Variants in LAMA1 observed in about 807,000 individuals in gnomAD.
The protein encoded by LAMA1 is laminin subunit alpha 1.
LAMA1 carries 219 observed loss-of-function variants against 348.7 expected under a neutral mutation model. That is an observed-to-expected ratio of 0.63 (90% CI 0.56 to 0.70). The LOEUF (loss-of-function observed/expected upper bound fraction) is 0.70. Ranked by LOEUF, LAMA1 falls within the 30% of genes least tolerant of loss-of-function variation. The pLI, the probability that LAMA1 is intolerant of heterozygous loss-of-function variation, is 0.00. For missense variants in LAMA1, 3,744 were observed against 3,888.0 expected, an observed-to-expected ratio of 0.96 and a Z score of 0.99; for synonymous variants, 1,487 against 1,491.0, an observed-to-expected ratio of 1.00 and a Z score of 0.06.
intron 10 of LAMA1, among the ~76,000 whole-genome samples, 157 bp downstream of exon 10, chr18:7,039,916 ATAC>A (rs1462545262): frequency 0.024 from 3,588 of 152,332 alleles, 152 homozygotes; most frequent in African/African-American, 0.083. Flanking sequence ...AGCATATATA[ATAC>A]AGCCAACTCG....
At chr18:7,016,159 A>G (rs1410749025) in intron 21 of LAMA1, among the ~76,000 whole-genome samples, 1 of 152,172 alleles carries the variant, frequency 6.6e-6, no homozygotes, top group African/African-American at 2.4e-5. Flanking sequence ...TGCAGGCCCA[A>G]TGCCATGCTG....
In LAMA1 at chr18:7,077,200, T is replaced by C. The variant is rs537030192; in HGVS notation, c.345+2775A>G. 1.0e-4 allele frequency among the ~76,000 whole-genome samples: 5 copies of C among 47,756 alleles called. 1 individual carries two copies. In the South Asian group the frequency reaches 5.1e-3, roughly 49 times the overall value. The allele number at this position is 47,756 out of a possible 152,430, so 31.3% of individuals were successfully genotyped here. On this transcript the variant is annotated intron_variant, in intron 3 of 62. Coordinates refer to ENST00000389658, the MANE Select transcript of LAMA1 (RefSeq NM_005559.4). ...GTCTATGGTTTTTTCTGTTCTTTTC[T>C]TTTTTTTTTTTTTTTTTTTGAGACG...
chr18:7,042,481 C>A (rs1014478823), intron 8 of LAMA1: 1 of 483,822 alleles, frequency 2.1e-6, no homozygotes, highest in Non-Finnish European at 3.8e-6. Flanking sequence ...TCATCTTTTT[C>A]TATTATCCCT....
At chr18:6,972,785 G>A (rs2057663977) in intron 47 of LAMA1, among the ~76,000 whole-genome samples, 1 of 152,136 alleles carries the variant, frequency 6.6e-6, no homozygotes, top group African/African-American at 2.4e-5. Context: ...CACCTCCCAG[G>A]GTTCAAGTGA....
chr18:6,950,081 T>G (rs1005313053), intron 58 of LAMA1, among the ~76,000 whole-genome samples: 3 of 152,150 alleles, frequency 2.0e-5, no homozygotes, highest in African/African-American at 7.2e-5. Context: ...AGACTTTGCA[T>G]TCAGTATGAA....
In LAMA1 at chr18:7,015,796, G is replaced by T. The variant is rs750460729; in HGVS notation, c.3052C>A (p.Pro1018Thr). Residue 1018 changes from proline (P) to threonine (T), a missense_variant, in exon 22 of 63, where the codon CCT (proline) becomes ACT (threonine). This residue lies in a region of LAMA1 where 1,529 missense variants were observed against 1,689.4 expected (regional missense o/e 0.91). Coordinates refer to ENST00000389658, the MANE Select transcript of LAMA1 (RefSeq NM_005559.4). ...TCACACTTCACACCCTGTGTGTGAG[G>T]GGGGCAGACACACTCTCCAGTTTCT... ...DPETGECVCPPHTQGVKCEEC... is the reference protein window; with the variant it reads ...DPETGECVCPTHTQGVKCEEC... The T allele has an allele frequency of 1.2e-5, 20 of 1,614,100 alleles. No individual in the cohort carries two copies. The highest frequency in any genetic ancestry group is 1.1e-4 in the South Asian group (10 of 91,082).
At chr18:6,958,419 A>T (rs1275428622) in intron 55 of LAMA1, 58 bp downstream of exon 55, 2 of 1,548,640 alleles carry the variant, frequency 1.3e-6, no homozygotes, top group East Asian at 4.5e-5. Context: ...GATTAGTGTT[A>T]GCACTCACCA....
At chr18:7,074,113 A>G (rs1039066650) in intron 3 of LAMA1, among the ~76,000 whole-genome samples, 1 of 152,148 alleles carries the variant, frequency 6.6e-6, no homozygotes, top group Non-Finnish European at 1.5e-5. Flanking sequence ...GATTACAGAC[A>G]TGAGCCACCA....
chr18:7,041,876 T>C (rs567110905), intron 9 of LAMA1, among the ~76,000 whole-genome samples: 15 of 152,200 alleles, frequency 9.9e-5, no homozygotes, highest in Middle Eastern at 3.2e-3. Flanking sequence ...TTTATGTCCA[T>C]GACACTACCT....
chr18:7,043,909 A>G (rs1187071039), intron 7 of LAMA1, among the ~76,000 whole-genome samples: 8 of 152,214 alleles, frequency 5.3e-5, no homozygotes, highest in Non-Finnish European at 1.2e-4. Context: ...TAATCCCAGC[A>G]CTTTGGGAGG....
intron 32 of LAMA1, among the ~76,000 whole-genome samples, chr18:6,998,133 A>G (rs2057791294): frequency 6.6e-6 from 1 of 152,196 alleles, no homozygotes; most frequent in Non-Finnish European, 1.5e-5. Flanking sequence ...CCCAGAGGTC[A>G]CACAGAAAGA....
chr18:7,018,336 CAAAAAAAAAAAAA>C (rs764975447), intron 19 of LAMA1, among the ~76,000 whole-genome samples: 24 of 44,206 alleles, frequency 5.4e-4, no homozygotes, highest in African/African-American at 2.3e-3. Flanking sequence ...AACTCCATCT[CAAAAAAAAAAAAA>C]AAAAAAAAAG....
Position 7,017,342 on chromosome 18 carries a change from T to A in LAMA1, c.2744A>T (p.His915Leu). The change falls in exon 20 of 63, where the codon CAT becomes CTT. Residue 915 changes from histidine to leucine, a missense_variant. Physicochemically the swap from His to Leu is moderately conservative, Grantham distance 99 (BLOSUM62 -3). Coordinates refer to ENST00000389658, the MANE Select transcript of LAMA1 (RefSeq NM_005559.4). Reference protein sequence around the residue: ...HVKGSHSAVCHLETGLCDCKP... With the variant: ...HVKGSHSAVCLLETGLCDCKP... Reference sequence around the variant, plus strand: ...GCAGTCACAGAGCCCGGTCTCAAGATGGCACACGGCAGAATGGGAGCCTTT... The same window carrying A: ...GCAGTCACAGAGCCCGGTCTCAAGAAGGCACACGGCAGAATGGGAGCCTTT... 1 of 1,614,054 alleles carries A rather than the reference T, an allele frequency of 6.2e-7. No individual in the cohort carries two copies. The highest frequency in any genetic ancestry group is 8.5e-7 in the Non-Finnish European group (1 of 1,180,008).
chr18:6,947,360 C>A (rs2057526737), intron 60 of LAMA1, 64 bp from the exon 61 acceptor site: 1 of 1,607,862 alleles, frequency 6.2e-7, no homozygotes, highest in Non-Finnish European at 8.5e-7. Flanking sequence ...GAGCATTTGG[C>A]CTCCTGGCTA....
chr18:6,958,363 G>A lies in LAMA1; in HGVS notation c.7964+114C>T, dbSNP rs2057590150. The A allele has an allele frequency of 6.4e-6, 7 of 1,099,440 alleles. No homozygotes were observed. In the South Asian group the frequency reaches 7.7e-5, roughly 12 times the overall value. The allele number at this position is 1,099,440 out of a possible 1,614,324, so 68.1% of individuals were successfully genotyped here. ...GAACAATGGGGTTCACTCATTATTT[G>A]GGAATTTGCAAAGTTTTCAATCTCA... On this transcript the variant is annotated intron_variant, in intron 55 of 62. Transcript: ENST00000389658.
In LAMA1 at chr18:7,094,107, C is replaced by G. The variant is rs186490748; in HGVS notation, c.62-13650G>C. ...CTTCTCCACTTTCACATGTACAAAT[C>G]TCCTGGGTATCCGGTTCCAGTGCAG... On this transcript the variant is annotated intron_variant, in intron 1 of 62. Coordinates refer to ENST00000389658, the MANE Select transcript of LAMA1 (RefSeq NM_005559.4). Among the ~76,000 whole-genome samples the G allele has an allele frequency of 2.9e-3, 440 of 152,194 alleles. 11 individuals carry two copies. Among genetic ancestry groups the G allele is most frequent in the Admixed American group, 0.027 (410 of 15,274 alleles).
chr18:7,096,122 G>T (rs556028325), intron 1 of LAMA1, among the ~76,000 whole-genome samples: 1 of 152,218 alleles, frequency 6.6e-6, no homozygotes, highest in African/African-American at 2.4e-5. Context: ...GTGTGTGTGA[G>T]AGACACAGGT....
At chr18:7,070,253 A>G (rs1038866581) in intron 3 of LAMA1, among the ~76,000 whole-genome samples, 6 of 152,214 alleles carry the variant, frequency 3.9e-5, no homozygotes, top group Non-Finnish European at 8.8e-5. Flanking sequence ...GAAGTAATAG[A>G]AAACTGGAAT....
intron 29 of LAMA1, among the ~76,000 whole-genome samples, chr18:7,006,912 C>A (rs11660770): frequency 1.3e-5 from 2 of 152,038 alleles, no homozygotes; most frequent in African/African-American, 4.8e-5. Context: ...CAAATTGATG[C>A]CCACAGATAA....
Sources: gnomAD v4.1 joint callset for allele counts (sites outside exome capture counted in the v4.1 genomes callset) on GRCh38, gnomAD v4.1.1 for gene constraint, gnomAD v4.1.1 regional missense constraint, MANE v1.5 for transcripts, NCBI Gene and HGNC (gene_info 2026-07-23, HGNC 2026-07-21) for gene names.